The following FBXW8 variants were observed in gnomAD, a reference collection of about 807,000 sequenced individuals.
The protein encoded by FBXW8 is F-box/WD repeat-containing protein 8.
In FBXW8, 57 loss-of-function variants were observed where a neutral mutation model predicts 65.3. That is an observed-to-expected ratio of 0.87 (90% CI 0.71 to 1.09). The LOEUF (loss-of-function observed/expected upper bound fraction) is 1.09, where lower values mean the gene tolerates loss of function less well. FBXW8 is among the 50% of genes least tolerant of loss of function. The probability of loss-of-function intolerance (pLI) is 0.00; values close to 1 mark genes in which losing one functional copy is unlikely to be tolerated. For missense variants in FBXW8, 777 were observed against 814.8 expected (o/e 0.95, Z 0.57); for synonymous variants, 308 against 330.2 (o/e 0.93, Z 0.73).
At chr12:117,017,501 A>G (rs1319121645) in intron 8 of FBXW8, among the ~76,000 whole-genome samples, 1 of 152,208 alleles carries the variant, frequency 6.6e-6, no homozygotes, top group African/African-American at 2.4e-5. Context: ...GCCGTTTAAA[A>G]TGAATCTTTC....
intron 2 of FBXW8, among the ~76,000 whole-genome samples, chr12:116,944,916 G>T (rs1300729386): frequency 6.6e-6 from 1 of 152,090 alleles, no homozygotes; most frequent in Non-Finnish European, 1.5e-5. Context: ...CAGATGTTTG[G>T]GTTATAGGTA....
At chr12:116,939,100 G>A (rs148836801) in intron 2 of FBXW8, among the ~76,000 whole-genome samples, 3 of 152,306 alleles carry the variant, frequency 2.0e-5, no homozygotes, top group African/African-American at 7.2e-5. Flanking sequence ...AGAGCACTGG[G>A]CTTTTGAGAT....
At chr12:116,928,348 C>A (rs1881495494) in intron 2 of FBXW8, among the ~76,000 whole-genome samples, 1 of 152,184 alleles carries the variant, frequency 6.6e-6, no homozygotes, top group Admixed American at 6.5e-5. Context: ...CTCTTTTCTC[C>A]CTGCAGTCTG....
At chr12:116,941,125 A>G (rs1033899789) in intron 2 of FBXW8, among the ~76,000 whole-genome samples, 9 of 152,228 alleles carry the variant, frequency 5.9e-5, no homozygotes, top group Non-Finnish European at 5.9e-5. Flanking sequence ...AGCCCTTTCT[A>G]ACATTCAGAC....
intron 8 of FBXW8, among the ~76,000 whole-genome samples, chr12:117,017,102 G>C (rs1463265729): frequency 6.6e-6 from 1 of 152,218 alleles, no homozygotes; most frequent in Non-Finnish European, 1.5e-5. Context: ...ATGTTGAATA[G>C]TGTCACTGTA....
intron 2 of FBXW8, among the ~76,000 whole-genome samples, chr12:116,930,387 T>C (rs755207406): frequency 3.3e-5 from 5 of 152,246 alleles, no homozygotes; most frequent in Non-Finnish European, 7.3e-5. Context: ...ATTTCTCTGA[T>C]GATTAGTATT....
intron 7 of FBXW8, among the ~76,000 whole-genome samples, chr12:117,006,614 G>C (rs1240018058): frequency 6.6e-6 from 1 of 152,246 alleles, no homozygotes; most frequent in Non-Finnish European, 1.5e-5. Flanking sequence ...CAGCTGCCAG[G>C]ACATGGCTAG....
chr12:116,919,748 C>G (rs545065709), intron 1 of FBXW8, among the ~76,000 whole-genome samples: 18 of 152,182 alleles, frequency 1.2e-4, no homozygotes, highest in African/African-American at 4.3e-4. Context: ...TATAAAGGCT[C>G]TATGATTGTT....
chr12:116,942,770 ATTTTTTTTTTTTTTT>A (rs71099022), intron 2 of FBXW8, among the ~76,000 whole-genome samples: 6 of 64,358 alleles, frequency 9.3e-5, no homozygotes, highest in African/African-American at 2.5e-4. Context: ...CAGAGCTTCT[ATTTTTTTTTTTTTTT>A]TTTTTTTTTT....
intron 8 of FBXW8, among the ~76,000 whole-genome samples, chr12:117,020,785 CT>C (rs975917881): frequency 6.6e-6 from 1 of 152,202 alleles, no homozygotes; most frequent in Admixed American, 6.5e-5. Context: ...TCACCCTCTC[CT>C]GTCTGGTTTT....
At chr12:116,949,794 T>G in intron 4 of FBXW8, 88 bp downstream of exon 4, 1 of 1,199,544 alleles carries the variant, frequency 8.3e-7, no homozygotes, top group East Asian at 2.3e-5. Context: ...TGACCTTAGC[T>G]TCCTTTGAGA....
chr12:116,969,145 G>T (rs1884501360), intron 5 of FBXW8, among the ~76,000 whole-genome samples: 2 of 152,138 alleles, frequency 1.3e-5, no homozygotes, highest in African/African-American at 2.4e-5. Context: ...TTCACGTCAT[G>T]GTTGGGAAGA....
intron 4 of FBXW8, among the ~76,000 whole-genome samples, chr12:116,955,698 T>A (rs556946039): frequency 3.9e-5 from 6 of 152,350 alleles, no homozygotes; most frequent in South Asian, 2.1e-4. Context: ...AAGGGGCATA[T>A]GGAAACATCC....
At position 116,985,305 on chromosome 12, in the gene FBXW8, C is replaced by A. The variant is rs768020293; in HGVS notation, c.935C>A (p.Ala312Glu). The A allele has an allele frequency of 2.5e-6, 4 of 1,614,086 alleles. No homozygotes were observed. In the African/African-American group the frequency reaches 5.3e-5, roughly 22 times the overall value. Residue 312 changes from alanine to glutamate, a missense_variant, in exon 6 of 11, where the codon GCA becomes GAA. Transcript: ENST00000652555. ...GCACTAGCCCTCAGCCAGGACGATG[C>A]AACCGTGGCCACAGCTTCTGCTTTT... ...IQALALSQDDATVATASAFDV... is the reference protein window; with the variant it reads ...IQALALSQDDETVATASAFDV...
intron 1 of FBXW8, among the ~76,000 whole-genome samples, chr12:116,914,559 C>G (rs549355166): frequency 1.6e-3 from 174 of 109,244 alleles, no homozygotes; most frequent in Middle Eastern, 0.022. Flanking sequence ...GGTGACAGAG[C>G]GAAACCCTGT....
At chr12:116,931,123 C>T (rs78185018) in intron 2 of FBXW8, among the ~76,000 whole-genome samples, 2,296 of 152,324 alleles carry the variant, frequency 0.015, 52 homozygotes, top group African/African-American at 0.046. Context: ...GTTCTCACAA[C>T]ACCATTTATT....
At chr12:116,943,492 T>A (rs956373718) in intron 2 of FBXW8, among the ~76,000 whole-genome samples, 1 of 152,232 alleles carries the variant, frequency 6.6e-6, no homozygotes, top group Admixed American at 6.5e-5. Flanking sequence ...TAGCTAGTTA[T>A]CAAATGGAGA....
At chr12:116,958,254 G>A (rs910726450) in intron 4 of FBXW8, among the ~76,000 whole-genome samples, 4 of 152,212 alleles carry the variant, frequency 2.6e-5, no homozygotes, top group East Asian at 3.8e-4. Flanking sequence ...CAACCCCATC[G>A]TGTTTCATAG....
chr12:116,911,693 T>C (rs1879957326), intron 1 of FBXW8, among the ~76,000 whole-genome samples: 1 of 152,012 alleles, frequency 6.6e-6, no homozygotes, highest in East Asian at 1.9e-4. Context: ...CACAAAAAAA[T>C]TATCCAGGAC....
Sources: gnomAD v4.1 joint callset for allele counts (sites outside exome capture counted in the v4.1 genomes callset) on GRCh38, gnomAD v4.1.1 for gene constraint, MANE v1.5 for transcripts, NCBI Gene and HGNC (gene_info 2026-07-23, HGNC 2026-07-21) for gene names.